The following DNAJA1 variants were observed in gnomAD, a reference collection of about 807,000 sequenced individuals.
The protein encoded by DNAJA1 is dnaJ homolog subfamily A member 1.
Under a neutral mutation model 47.6 loss-of-function variants are expected in DNAJA1, and 26 were observed. The observed-to-expected ratio is 0.55, with a 90% confidence interval of 0.40 to 0.76. DNAJA1 has a LOEUF of 0.76. DNAJA1 is among the 30% of genes least tolerant of loss of function. The probability of loss-of-function intolerance (pLI) is 0.00; values close to 1 mark genes in which losing one functional copy is unlikely to be tolerated. For missense variants in DNAJA1, 315 were observed against 485.0 expected, an observed-to-expected ratio of 0.65 and a Z score of 3.29; for synonymous variants, 165 against 158.4, an observed-to-expected ratio of 1.04 and a Z score of -0.31.
Position 33,036,653 on chromosome 9 carries a change from C to CT in DNAJA1, c.840dup (p.Asp281Ter). On this transcript the variant is annotated frameshift_variant, in exon 7 of 9. Coordinates refer to ENST00000330899, the MANE Select transcript of DNAJA1 (RefSeq NM_001539.4). LOFTEE classifies it high-confidence loss of function. The stretch of plus-strand genomic sequence containing the variant: ...TGGCTTCCAGAAGCCAATATCTACT[C>CT]TTGACAACCGAACCATCGTCATCAC... The CT allele has an allele frequency of 1.2e-6, 2 of 1,614,018 alleles. No individual in the cohort carries two copies. Among genetic ancestry groups the CT allele is most frequent in the Non-Finnish European group, 1.7e-6 (2 of 1,179,946 alleles).
chr9:33,034,896 G>A (rs902220784), intron 6 of DNAJA1, among the ~76,000 whole-genome samples: 1 of 152,052 alleles, frequency 6.6e-6, no homozygotes, highest in Non-Finnish European at 1.5e-5. Flanking sequence ...CCAGCAACTT[G>A]GGAGGCTGAG....
At position 33,025,288 on chromosome 9, in the gene DNAJA1, A is replaced by G. The variant is rs1306415787; in HGVS notation, c.-106A>G. 2.0e-5 allele frequency: 3 copies of G among 152,350 alleles called. No individual in the cohort carries two copies. Among genetic ancestry groups the G allele is most frequent in the Admixed American group, 6.5e-5 (1 of 15,276 alleles). 9.4% of individuals were successfully genotyped at this position (152,350 alleles called of 1,614,324 possible). ...GGCGCGCCGGGCGGAACTTTCCAGA[A>G]CGCTCGGTGAGAGGCGGAGGAGCGG... On this transcript the variant is annotated 5_prime_UTR_variant, in exon 1 of 9. Transcript: ENST00000330899.
At chr9:33,028,133 T>TGGTA (rs1264730250) in intron 3 of DNAJA1, among the ~76,000 whole-genome samples, 2 of 151,972 alleles carry the variant, frequency 1.3e-5, no homozygotes, top group African/African-American at 4.8e-5. Flanking sequence ...AGGAATTTGA[T>TGGTA]GGTAGGTACA....
chr9:33,037,091 G>C lies in DNAJA1; in HGVS notation c.951G>C (p.Lys317Asn), dbSNP rs1276002433. ...CAATTTATCGTAGACCATATGAAAA[G>C]GGTCGCCTAATCATCGAATTTAAGG... ...GMPIYRRPYE[K>N]GRLIIEFKVN... The change falls in exon 8 of 9, where the codon AAG becomes AAC. Residue 317 changes from lysine (K) to asparagine (N), a missense_variant. Around this residue, in one of 4 missense-constraint regions of DNAJA1, gnomAD observed 162 missense variants for 185.4 expected, o/e 0.87. Coordinates refer to ENST00000330899, the MANE Select transcript of DNAJA1 (RefSeq NM_001539.4). 6.2e-7 allele frequency: 1 copy of C among 1,613,816 alleles called. No homozygotes were observed. Among genetic ancestry groups the C allele is most frequent in the Non-Finnish European group, 8.5e-7 (1 of 1,179,874 alleles).
chr9:33,029,062 C>T (rs1156498419), intron 3 of DNAJA1, among the ~76,000 whole-genome samples: 1 of 152,190 alleles, frequency 6.6e-6, no homozygotes, highest in East Asian at 1.9e-4. Context: ...CTTATGAGAT[C>T]TTGACCTTCC....
intron 8 of DNAJA1, among the ~76,000 whole-genome samples, chr9:33,038,316 G>A (rs1164450798): frequency 1.3e-5 from 2 of 152,060 alleles, no homozygotes; most frequent in African/African-American, 2.4e-5. Flanking sequence ...AAACATCTTT[G>A]GTAAGGAAGA....
At chr9:33,026,044 A>G (rs1888291) in intron 1 of DNAJA1, among the ~76,000 whole-genome samples, 10,960 of 152,260 alleles carry the variant, frequency 0.072, 523 homozygotes, top group Non-Finnish European at 0.11. Context: ...CCCCCCCACC[A>G]CTGTGTGCCC....
chr9:33,025,715 G>T (rs1214919332), intron 1 of DNAJA1, among the ~76,000 whole-genome samples: 1 of 152,064 alleles, frequency 6.6e-6, no homozygotes, highest in Non-Finnish European at 1.5e-5. Flanking sequence ...GGGGAGTGGG[G>T]TTGGCGACCC....
At chr9:33,036,750 G>C (rs1049761790) in intron 7 of DNAJA1, 61 bp downstream of exon 7, 30 of 1,282,678 alleles carry the variant, frequency 2.3e-5, no homozygotes, top group Non-Finnish European at 3.0e-5. Flanking sequence ...CTTGTCTCCT[G>C]TTAACAAAGT....
chr9:33,025,326 C>T lies in DNAJA1; in HGVS notation c.-68C>T, dbSNP rs77871808. The T allele has an allele frequency of 0.04, 6,141 of 152,666 alleles. 190 individuals carry two copies. The highest frequency in any genetic ancestry group is 0.13 in the East Asian group (663 of 5,148). 9.5% of individuals were successfully genotyped at this position (152,666 alleles called of 1,614,324 possible). A position where few individuals can be genotyped will look rare whatever the true frequency, so the allele number is the denominator to read the frequency against. The stretch of plus-strand genomic sequence containing the variant: ...GGCGGAGGAGCGGTAACTACCCCGG[C>T]TGCGCACAGCTCGGCGCTCCTTCCC... On this transcript the variant is annotated 5_prime_UTR_variant, in exon 1 of 9. Transcript: ENST00000330899.
chr9:33,039,785 G>A lies in DNAJA1; in HGVS notation c.*882G>A, dbSNP rs1055478202. 5.3e-5 allele frequency: 8 copies of A among 151,922 alleles called. No homozygotes were observed. Among genetic ancestry groups the A allele is most frequent in the Non-Finnish European group, 1.0e-4 (7 of 67,974 alleles). 9.4% of individuals were successfully genotyped at this position (151,922 alleles called of 1,614,324 possible). ...TGTTGGTAGTATAGCAAATTATGAT[G>A]AATAGCTTTAATTGTATGTTTAAAA... On this transcript the variant is annotated 3_prime_UTR_variant, in exon 9 of 9. Transcript: ENST00000330899.
chr9:33,038,398 GT>G, intron 8 of DNAJA1, among the ~76,000 whole-genome samples: 1 of 152,304 alleles, frequency 6.6e-6, no homozygotes, highest in Admixed American at 6.5e-5. Context: ...TGCAGGATGG[GT>G]TTTGGTATTA....
intron 8 of DNAJA1, 36 bp from the exon 9 acceptor site, chr9:33,038,649 T>C: frequency 6.3e-7 from 1 of 1,592,420 alleles, no homozygotes; most frequent in Non-Finnish European, 8.6e-7. Context: ...GAGCTAATGA[T>C]GAAATCAGAT....
At chr9:33,032,436 T>C (rs1351165071) in intron 5 of DNAJA1, among the ~76,000 whole-genome samples, 1 of 152,246 alleles carries the variant, frequency 6.6e-6, no homozygotes, top group East Asian at 1.9e-4. Flanking sequence ...TCTAGCAGAA[T>C]GACCTCAAAT....
chr9:33,036,678 CCTCTCAT>C lies in DNAJA1; in HGVS notation c.865_871del (p.Ser289GlnfsTer14). ...CTTGACAACCGAACCATCGTCATCA[CCTCTCAT>C]CCAGGTATGGGAACTAGGCAAGCTT... On this transcript the variant is annotated frameshift_variant, in exon 7 of 9. Coordinates refer to ENST00000330899, the MANE Select transcript of DNAJA1 (RefSeq NM_001539.4). LOFTEE classifies it high-confidence loss of function. 1 of 1,612,264 alleles carries C rather than the reference CCTCTCAT, an allele frequency of 6.2e-7. No individual in the cohort carries two copies. Among genetic ancestry groups the C allele is most frequent in the Non-Finnish European group, 8.5e-7 (1 of 1,178,918 alleles).
rs564175512 is a variant in DNAJA1 at position 33,038,512 on chromosome 9, T to C, written c.976-173T>C. On this transcript the variant is annotated intron_variant, in intron 8 of 8. Coordinates refer to ENST00000330899, the MANE Select transcript of DNAJA1 (RefSeq NM_001539.4). Reference sequence around the variant, plus strand: ...ACTTCTGGTCATAATCCTTGAACTCTAGTTCAGAGTGTGCTATGCACTGTG... The same window carrying C: ...ACTTCTGGTCATAATCCTTGAACTCCAGTTCAGAGTGTGCTATGCACTGTG... Among the ~76,000 whole-genome samples the C allele has an allele frequency of 2.2e-4, 33 of 152,346 alleles. No homozygotes were observed. The South Asian group carries it at 6.8e-3, about 32-fold the overall frequency.
intron 3 of DNAJA1, among the ~76,000 whole-genome samples, chr9:33,028,184 C>A (rs1047912014): frequency 6.6e-6 from 1 of 152,082 alleles, no homozygotes; most frequent in Non-Finnish European, 1.5e-5. Flanking sequence ...GTTCAGAAAC[C>A]TAAAACTTCT....
chr9:33,035,035 A>AC (rs1347714278), intron 6 of DNAJA1, among the ~76,000 whole-genome samples: 1 of 118,388 alleles, frequency 8.4e-6, no homozygotes, highest in South Asian at 2.5e-4. Context: ...GTAAGAACCC[A>AC]CCTTTTTTTT....
intron 3 of DNAJA1, among the ~76,000 whole-genome samples, chr9:33,027,669 T>A (rs1005271929): frequency 5.9e-5 from 9 of 151,728 alleles, no homozygotes; most frequent in African/African-American, 2.2e-4. Flanking sequence ...CTGGCCAAGA[T>A]GGTGAAACCC....
Sources: allele counts gnomAD v4.1 joint callset (sites outside exome capture counted in the v4.1 genomes callset), GRCh38; gene constraint gnomAD v4.1.1; regional missense constraint gnomAD v4.1.1; transcripts MANE v1.5; gene names NCBI Gene and HGNC (gene_info 2026-07-23, HGNC 2026-07-21).